ABCA3: variants seen among roughly 807,000 people sequenced by gnomAD.
ABCA3 encodes ATP binding cassette subfamily A member 3.
Under a neutral mutation model 172.8 loss-of-function variants are expected in ABCA3, and 88 were observed. The ratio of observed to expected loss-of-function variants is 0.51; its 90% CI spans 0.43 to 0.61. The LOEUF (loss-of-function observed/expected upper bound fraction) is 0.61, where lower values mean the gene tolerates loss of function less well. Ranked by LOEUF, ABCA3 falls within the 20% of genes least tolerant of loss-of-function variation. The probability of loss-of-function intolerance (pLI) is 0.00; values close to 1 mark genes in which losing one functional copy is unlikely to be tolerated. For missense variants in ABCA3, 2,164 were observed against 2,301.0 expected, an observed-to-expected ratio of 0.94 and a Z score of 1.22; for synonymous variants, 1,066 against 983.8, an observed-to-expected ratio of 1.08 and a Z score of -1.56.
intron 3 of ABCA3, among the ~76,000 whole-genome samples, chr16:2,327,767 C>T (rs553544803): frequency 1.3e-5 from 2 of 152,298 alleles, no homozygotes; most frequent in African/African-American, 4.8e-5. Context: ...GTCACCCAGG[C>T]TGGAGTACAG....
rs1032748115 is a variant in ABCA3 at position 2,289,716 on chromosome 16, C to T, written c.2514-96G>A. On this transcript the variant is annotated intron_variant, in intron 19 of 32. Transcript: ENST00000301732. ...GAGGCACTGAGGGGAGCAGTGTTGC[C>T]GCAGTCCTTGGCTTGCTCATGCATC... 6.3e-5 allele frequency: 85 copies of T among 1,354,566 alleles called. 1 individual carries two copies. In the Admixed American group the frequency reaches 1.6e-3, roughly 25 times the overall value. The allele number at this position is 1,354,566 out of a possible 1,614,324, so 83.9% of individuals were successfully genotyped here.
chr16:2,303,264 CTTT>C (rs61369735), intron 12 of ABCA3, among the ~76,000 whole-genome samples: 5 of 139,918 alleles, frequency 3.6e-5, no homozygotes, highest in Admixed American at 1.4e-4. Flanking sequence ...TTTTTTCTCT[CTTT>C]TTTTTTTTTT....
chr16:2,330,946 C>G (rs1466849438), intron 1 of ABCA3, among the ~76,000 whole-genome samples: 4 of 151,944 alleles, frequency 2.6e-5, no homozygotes, highest in African/African-American at 9.7e-5. Flanking sequence ...GGAACATCAC[C>G]CTTTTGCAGA....
chr16:2,301,002 G>C (rs534390597), intron 12 of ABCA3, among the ~76,000 whole-genome samples: 19 of 149,968 alleles, frequency 1.3e-4, no homozygotes, highest in Non-Finnish European at 2.5e-4. Context: ...AGGCCGAGGC[G>C]GGCGGATCAT....
In ABCA3 at chr16:2,323,616, T is replaced by A; in HGVS notation, c.520A>T (p.Lys174Ter). ...MWTQTGSFFL[K>*]ETEGWHTTSL... ...GTAGTGTGCCAGCCTTCTGTCTCTT[T>A]CAGGAAAAAGGAGCCTGTTTGGGTC... The change falls in exon 7 of 33, where the codon AAA becomes TAA. Residue 174 changes from lysine (K) to a stop codon, truncating the protein, a stop_gained. Transcript: ENST00000301732. LOFTEE classifies it high-confidence loss of function. The A allele has an allele frequency of 6.2e-7, 1 of 1,614,088 alleles. No individual in the cohort carries two copies. Among genetic ancestry groups the A allele is most frequent in the Non-Finnish European group, 8.5e-7 (1 of 1,180,006 alleles).
At chr16:2,295,484 A>G in intron 18 of ABCA3, 106 bp downstream of exon 18, 2 of 1,547,794 alleles carry the variant, frequency 1.3e-6, no homozygotes, top group East Asian at 2.2e-5. Context: ...CCGACTGGCC[A>G]GGCCAGAGAG....
At position 2,284,704 on chromosome 16, in the gene ABCA3, G is replaced by A; in HGVS notation, c.3703+75C>T. The A allele has an allele frequency of 6.7e-7, 1 of 1,494,128 alleles. No homozygotes were observed. The highest frequency in any genetic ancestry group is 1.2e-5 in the South Asian group (1 of 85,080). 92.6% of individuals were successfully genotyped at this position (1,494,128 alleles called of 1,614,324 possible). A position where few individuals can be genotyped will look rare whatever the true frequency, so the allele number is the denominator to read the frequency against. On this transcript the variant is annotated intron_variant, in intron 24 of 32. Coordinates refer to ENST00000301732, the MANE Select transcript of ABCA3 (RefSeq NM_001089.3). The surrounding 1 kb of genome is among the most constrained non-coding windows in gnomAD (Gnocchi z 5.9). ...TTGCCTGAGTCCCGCCTCGGCTGTG[G>A]CTGGTGCCTCCCTGTCTGGGCGGAG...
At chr16:2,299,859 C>G in intron 13 of ABCA3, 146 bp downstream of exon 13, 1 of 1,187,342 alleles carries the variant, frequency 8.4e-7, no homozygotes, top group Admixed American at 2.0e-5. Flanking sequence ...TAGAGGGCAG[C>G]GGAGGGTTCC....
chr16:2,312,403 T>C (rs2093707976), intron 10 of ABCA3, among the ~76,000 whole-genome samples: 1 of 152,224 alleles, frequency 6.6e-6, no homozygotes, highest in African/African-American at 2.4e-5. Flanking sequence ...TCAGTACAAG[T>C]ACTTTATGTG....
In ABCA3 at chr16:2,279,160, G is replaced by T; in HGVS notation, c.4360-30C>A. ...GGTCGGAGCATAGCCGGGGAGGGAG[G>T]CGGGTTGGAGGGAAGCCTCCTTCCT... On this transcript the variant is annotated intron_variant, in intron 28 of 32. Transcript: ENST00000301732. The surrounding 1 kb of genome is among the most constrained non-coding windows in gnomAD (Gnocchi z 4.4). 1.9e-6 allele frequency: 3 copies of T among 1,606,054 alleles called. No homozygotes were observed. Among genetic ancestry groups the T allele is most frequent in the Non-Finnish European group, 2.5e-6 (3 of 1,179,324 alleles).
rs2093665265 is a variant in ABCA3, at chr16:2,287,741, A to C, written c.3004+285T>G. Among the ~76,000 whole-genome samples, 1 of 152,232 alleles carries C rather than the reference A, an allele frequency of 6.6e-6. No individual in the cohort carries two copies. The highest frequency in any genetic ancestry group is 1.5e-5 in the Non-Finnish European group (1 of 68,044). On this transcript the variant is annotated intron_variant, in intron 21 of 32. Transcript: ENST00000301732. This position sits in a 1 kb window ranked among gnomAD's most constrained non-coding sequence, Gnocchi z 4.1. The stretch of plus-strand genomic sequence containing the variant: ...CAGCTTCAGTAAAAAGACGCCTGAC[A>C]AAGCCTGGCCCCAGGATGCCAGTGT...
chr16:2,298,504 C>T lies in ABCA3; in HGVS notation c.1778G>A (p.Ser593Asn). The change falls in exon 15 of 33, where the codon AGC becomes AAC. Residue 593 changes from serine to asparagine, a missense_variant. By Grantham distance (46) the Ser-to-Asn change is conservative. Coordinates refer to ENST00000301732, the MANE Select transcript of ABCA3 (RefSeq NM_001089.3). ...CATGTCCTGGGAAATTTCATACCCG[C>T]TGATGTATGCCCGTCCACTGGTGGG... ...FPPTSGRAYI[S>N]GYEISQDMVQ... 6.2e-7 allele frequency: 1 copy of T among 1,614,040 alleles called. No individual in the cohort carries two copies. The highest frequency in any genetic ancestry group is 8.5e-7 in the Non-Finnish European group (1 of 1,180,038).
intron 12 of ABCA3, among the ~76,000 whole-genome samples, chr16:2,302,173 G>A (rs529715152): frequency 1.4e-4 from 22 of 152,222 alleles, no homozygotes; most frequent in Non-Finnish European, 2.6e-4. Context: ...ATCTCTGTTC[G>A]GGGCTCTCAG....
In ABCA3 at chr16:2,277,767, G is replaced by A. The variant is rs2093648739; in HGVS notation, c.4910-97C>T. The A allele has an allele frequency of 1.3e-5, 21 of 1,591,160 alleles. No homozygotes were observed. Among genetic ancestry groups the A allele is most frequent in the Non-Finnish European group, 1.7e-5 (20 of 1,165,682 alleles). On this transcript the variant is annotated intron_variant, in intron 31 of 32. Coordinates refer to ENST00000301732, the MANE Select transcript of ABCA3 (RefSeq NM_001089.3). This position sits in a 1 kb window ranked among gnomAD's most constrained non-coding sequence, Gnocchi z 5.3. ...CACTGGAGTCCTCGTCCCAGGGATTGGGGAGATGGGACTTGGCGGGGCGAG... is the reference window on the plus strand; with the variant it reads ...CACTGGAGTCCTCGTCCCAGGGATTAGGGAGATGGGACTTGGCGGGGCGAG...
rs891633198 is a variant in ABCA3 at position 2,285,332 on chromosome 16, C to T, written c.3483+110G>A. The T allele has an allele frequency of 2.8e-5, 38 of 1,344,956 alleles. No homozygotes were observed. Among genetic ancestry groups the T allele is most frequent in the African/African-American group, 5.8e-5 (4 of 69,052 alleles). 83.3% of individuals were successfully genotyped at this position (1,344,956 alleles called of 1,614,324 possible). The stretch of plus-strand genomic sequence containing the variant: ...TCCAGCTGTCCTCCCTGAGTCGGGC[C>T]GAGCTGCCGGCCTAGGGGCTGCCCA... On this transcript the variant is annotated intron_variant, in intron 23 of 32. Transcript: ENST00000301732. This position sits in a 1 kb window ranked among gnomAD's most constrained non-coding sequence, Gnocchi z 4.7.
Position 2,326,065 on chromosome 16 carries a change from G to T in ABCA3, c.264C>A (p.Asp88Glu), listed in dbSNP as rs756824803. The change falls in exon 5 of 33, where the codon GAC (aspartate) becomes GAA (glutamate). Residue 88 changes from aspartate (D) to glutamate (E), a missense_variant. Transcript: ENST00000301732. ...WELAYIPSHSDAAKTVTETVR... is the reference protein window; with the variant it reads ...WELAYIPSHSEAAKTVTETVR... The stretch of plus-strand genomic sequence containing the variant: ...CTGTCTCAGTGACGGTCTTGGCAGC[G>T]TCACTGTGAGAAGGGATGTAGGCAA... The T allele has an allele frequency of 1.9e-6, 3 of 1,614,102 alleles. No individual in the cohort carries two copies. The highest frequency in any genetic ancestry group is 2.5e-6 in the Non-Finnish European group (3 of 1,180,040).
Position 2,285,549 on chromosome 16 carries a change from G to C in ABCA3, c.3376C>G (p.Gln1126Glu). ...CTCACAAACTGCACATGCTTGGCCT[G>C]CACGGCCCTCTCGCTGACCGCCAGG... The part of the protein sequence containing the change: ...SILAVSERAV[Q>E]AKHVQFVSGV... Residue 1126 changes from glutamine (Q) to glutamate (E), a missense_variant, in exon 23 of 33, where the codon CAG becomes GAG. Physicochemically the swap from Gln to Glu is conservative, Grantham distance 29 (BLOSUM62 2). Around this residue, in one of 3 missense-constraint regions of ABCA3, gnomAD observed 795 missense variants for 881.9 expected, o/e 0.90. Transcript: ENST00000301732. The surrounding 1 kb of genome is among the most constrained non-coding windows in gnomAD (Gnocchi z 4.7). 1 of 1,594,378 alleles carries C rather than the reference G, an allele frequency of 6.3e-7. No individual in the cohort carries two copies. Among genetic ancestry groups the C allele is most frequent in the Non-Finnish European group, 8.5e-7 (1 of 1,170,208 alleles).
At chr16:2,336,597 A>AT (rs11284766) in intron 1 of ABCA3, among the ~76,000 whole-genome samples, 1,584 of 101,296 alleles carry the variant, frequency 0.016, 19 homozygotes, top group Middle Eastern at 0.025. Context: ...CGCCCAGCTA[A>AT]TTTTTTTTTT....
Position 2,292,241 on chromosome 16 carries a change from G to T in ABCA3, c.2415-3C>A. ...GTTTAGCAAAGAGACCTTCAAACCT[G>T]AAAAACAGACCCAGCATTATGAGTC... On this transcript the variant is annotated splice_region_variant and splice_polypyrimidine_tract_variant and intron_variant, in intron 18 of 32. Coordinates refer to ENST00000301732, the MANE Select transcript of ABCA3 (RefSeq NM_001089.3). 1 of 1,611,530 alleles carries T rather than the reference G, an allele frequency of 6.2e-7. No individual in the cohort carries two copies. Among genetic ancestry groups the T allele is most frequent in the South Asian group, 1.1e-5 (1 of 91,034 alleles).
Sources: allele counts gnomAD v4.1 joint callset (sites outside exome capture counted in the v4.1 genomes callset), GRCh38; gene constraint gnomAD v4.1.1; regional missense constraint gnomAD v4.1.1; non-coding constraint Gnocchi (gnomAD v3.1); transcripts MANE v1.5; gene names NCBI Gene and HGNC (gene_info 2026-07-23, HGNC 2026-07-21).